Variants in DSCAM observed in about 807,000 individuals in gnomAD.
DSCAM encodes DS cell adhesion molecule, also known as cell adhesion molecule DSCAM.
Under a neutral mutation model 217.7 loss-of-function variants are expected in DSCAM, and 47 were observed. The ratio of observed to expected loss-of-function variants is 0.22; its 90% CI spans 0.17 to 0.28. The LOEUF is 0.28. Ranked by LOEUF, DSCAM falls within the 10% of genes least tolerant of loss-of-function variation. The pLI is 1.00. For missense variants in DSCAM, 2,080 were observed against 2,618.3 expected (o/e 0.79, Z 4.49); for synonymous variants, 1,056 against 1,015.3 (o/e 1.04, Z -0.76).
At chr21:40,162,696 A>G (rs557122590) in intron 16 of DSCAM, among the ~76,000 whole-genome samples, 40 of 152,360 alleles carry the variant, frequency 2.6e-4, no homozygotes, top group African/African-American at 7.9e-4. Flanking sequence ...TTAGTATTTT[A>G]CAGAAATCAT....
intron 20 of DSCAM, among the ~76,000 whole-genome samples, chr21:40,104,527 C>T (rs2089793844): frequency 6.6e-6 from 1 of 152,046 alleles, no homozygotes; most frequent in Admixed American, 6.6e-5. Flanking sequence ...ACTTTGGAGA[C>T]AGTAAAAAGA....
chr21:40,110,333 C>T (rs551230669), intron 20 of DSCAM, among the ~76,000 whole-genome samples: 61 of 152,312 alleles, frequency 4.0e-4, no homozygotes, highest in African/African-American at 1.3e-3. Context: ...CAGCAAACTC[C>T]AACAGACCTT....
intron 11 of DSCAM, among the ~76,000 whole-genome samples, chr21:40,214,028 C>T (rs2091214151): frequency 6.6e-6 from 1 of 152,220 alleles, no homozygotes; most frequent in South Asian, 2.1e-4. Flanking sequence ...CCCCATAGAG[C>T]TTCCTTTCCT....
intron 1 of DSCAM, among the ~76,000 whole-genome samples, chr21:40,817,231 T>A (rs1432045234): frequency 6.6e-6 from 1 of 152,170 alleles, no homozygotes; most frequent in Non-Finnish European, 1.5e-5. Flanking sequence ...TTTTCCTTTT[T>A]TTACACTCTC....
chr21:40,026,209 TA>T (rs1473296519), intron 32 of DSCAM, among the ~76,000 whole-genome samples: 1 of 141,744 alleles, frequency 7.1e-6, no homozygotes, highest in Non-Finnish European at 1.6e-5. Context: ...TCCTGAGATC[TA>T]GTTTGATTGA....
intron 3 of DSCAM, among the ~76,000 whole-genome samples, chr21:40,370,858 G>A (rs189776402): frequency 1.3e-5 from 2 of 152,088 alleles, no homozygotes; most frequent in Non-Finnish European, 2.9e-5. Context: ...ATGAGCTCAA[G>A]TGATCCACCC....
chr21:40,824,656 C>T (rs962845716), intron 1 of DSCAM, among the ~76,000 whole-genome samples: 4 of 152,072 alleles, frequency 2.6e-5, no homozygotes, highest in African/African-American at 9.7e-5. Context: ...CTCAAGCAAT[C>T]TTCCTGCCTT....
intron 3 of DSCAM, among the ~76,000 whole-genome samples, chr21:40,506,187 G>A (rs56727890): frequency 6.6e-6 from 1 of 152,124 alleles, no homozygotes; most frequent in South Asian, 2.1e-4. Context: ...AATGAGCATC[G>A]GCTAGGCTTA....
chr21:40,022,887 ATTATT>A (rs1052362717), intron 32 of DSCAM, among the ~76,000 whole-genome samples: 73 of 147,680 alleles, frequency 4.9e-4, no homozygotes, highest in African/African-American at 1.5e-3. Flanking sequence ...TTTTTCTTTT[ATTATT>A]TTAAGTTTTA....
intron 1 of DSCAM, among the ~76,000 whole-genome samples, chr21:40,785,251 G>A (rs1337344705): frequency 6.6e-6 from 1 of 152,204 alleles, no homozygotes; most frequent in Non-Finnish European, 1.5e-5. Context: ...TCAGTTGATT[G>A]TCTATTATCC....
chr21:40,590,628 A>T (rs1363177127), intron 3 of DSCAM, among the ~76,000 whole-genome samples: 1 of 152,218 alleles, frequency 6.6e-6, no homozygotes, highest in Non-Finnish European at 1.5e-5. Flanking sequence ...TAATAATGTC[A>T]CTTACTATTA....
chr21:40,237,375 C>T (rs1486754808), intron 11 of DSCAM, among the ~76,000 whole-genome samples: 1 of 152,176 alleles, frequency 6.6e-6, no homozygotes, highest in Non-Finnish European at 1.5e-5. Context: ...GGCCCCCACC[C>T]TCTGACAGGC....
chr21:40,059,730 G>T (rs895481227), intron 28 of DSCAM, among the ~76,000 whole-genome samples: 8 of 152,236 alleles, frequency 5.3e-5, no homozygotes, highest in African/African-American at 1.9e-4. Flanking sequence ...AAAACAAAGC[G>T]GTAAAATGAC....
At chr21:40,043,156 C>T (rs1440924028) in intron 31 of DSCAM, among the ~76,000 whole-genome samples, 2 of 152,234 alleles carry the variant, frequency 1.3e-5, no homozygotes, top group East Asian at 1.9e-4. Context: ...AAATTGGCCA[C>T]AAGCCAGAAT....
chr21:40,052,227 A>T, intron 29 of DSCAM, 120 bp from the exon 30 acceptor site: 1 of 1,070,548 alleles, frequency 9.3e-7, no homozygotes, highest in Non-Finnish European at 1.3e-6. Context: ...TAATAGCCCC[A>T]TCTAAAGTGA....
intron 3 of DSCAM, among the ~76,000 whole-genome samples, chr21:40,579,521 C>G (rs962464633): frequency 6.6e-6 from 1 of 152,130 alleles, no homozygotes. Context: ...GATTCTAGAA[C>G]TGACAAACAG....
intron 3 of DSCAM, among the ~76,000 whole-genome samples, chr21:40,377,685 G>C (rs1188726020): frequency 6.6e-6 from 1 of 151,956 alleles, no homozygotes; most frequent in Non-Finnish European, 1.5e-5. Context: ...CTGAAGTTTA[G>C]TAACTCCCCA....
intron 3 of DSCAM, among the ~76,000 whole-genome samples, chr21:40,377,384 G>T (rs541834078): frequency 6.6e-6 from 1 of 152,066 alleles, no homozygotes; most frequent in Non-Finnish European, 1.5e-5. Flanking sequence ...ATGGGCAAGC[G>T]GAGGTACAAC....
chr21:40,774,184 A>G (rs1453652571), intron 1 of DSCAM, among the ~76,000 whole-genome samples: 2 of 152,180 alleles, frequency 1.3e-5, no homozygotes, highest in African/African-American at 4.8e-5. Flanking sequence ...CCTAAGACCA[A>G]TCTTTTTTCT....
Sources: gnomAD v4.1 joint callset for allele counts (sites outside exome capture counted in the v4.1 genomes callset) on GRCh38, gnomAD v4.1.1 for gene constraint, MANE v1.5 for transcripts, NCBI Gene and HGNC (gene_info 2026-07-23, HGNC 2026-07-21) for gene names.